The following TMTC1 variants were observed in gnomAD, a reference collection of about 807,000 sequenced individuals.
The protein encoded by TMTC1 is protein O-mannosyl-transferase TMTC1.
Under a neutral mutation model 104.8 loss-of-function variants are expected in TMTC1, and 73 were observed. The observed-to-expected ratio is 0.70, with a 90% CI of 0.58 to 0.85. TMTC1 has a LOEUF of 0.85. Among genes scored for constraint, TMTC1 ranks in the 40% least tolerant of loss-of-function variants. The pLI is 0.00. For missense variants in TMTC1, 1,035 were observed against 1,096.1 expected (o/e 0.94, Z 0.79); for synonymous variants, 434 against 428.7 (o/e 1.01, Z -0.15).
chr12:29,693,143 T>G (rs1199200617), intron 5 of TMTC1, among the ~76,000 whole-genome samples: 1 of 144,966 alleles, frequency 6.9e-6, no homozygotes, highest in Non-Finnish European at 1.5e-5. Context: ...TTATAAATAT[T>G]TATGAGGTAC....
chr12:29,578,674 C>A (rs1945891706), intron 8 of TMTC1, among the ~76,000 whole-genome samples: 1 of 152,156 alleles, frequency 6.6e-6, no homozygotes, highest in African/African-American at 2.4e-5. Flanking sequence ...AAAAAAGCTA[C>A]TTTAATCAGG....
In TMTC1 at chr12:29,675,625, CA is replaced by C. The variant is rs1565760111; in HGVS notation, c.939-42290del. The stretch of plus-strand genomic sequence containing the variant: ...ACACACACACACACACACACACACA[CA>C]CACACCCTCCATGACTTTCTGTTTC... On this transcript the variant is annotated intron_variant, in intron 5 of 17. Coordinates refer to ENST00000539277, the MANE Select transcript of TMTC1 (RefSeq NM_001193451.2). Among the ~76,000 whole-genome samples the C allele has an allele frequency of 2.7e-3, 225 of 81,870 alleles. 1 individual carries two copies. The highest frequency in any genetic ancestry group is 0.023 in the East Asian group (70 of 3,100). 53.7% of individuals were successfully genotyped at this position (81,870 alleles called of 152,430 possible). A position where few individuals can be genotyped will look rare whatever the true frequency, so the allele number is the denominator to read the frequency against.
Position 29,756,779 on chromosome 12 carries a change from T to C in TMTC1, c.555-894A>G, listed in dbSNP as rs1321857683. 2.0e-5 allele frequency among the ~76,000 whole-genome samples: 3 copies of C among 152,192 alleles called. No homozygotes were observed. In the South Asian group the frequency reaches 6.2e-4, roughly 32 times the overall value. On this transcript the variant is annotated intron_variant, in intron 3 of 17. Transcript: ENST00000539277. ...ATGTTTCTGTAGTTGAGACACCTTC[T>C]CCTTAGTGTTCTTAGAACAATTGCA...
At chr12:29,725,174 T>A (rs142744747) in intron 5 of TMTC1, among the ~76,000 whole-genome samples, 1 of 149,882 alleles carries the variant, frequency 6.7e-6, no homozygotes, top group Non-Finnish European at 1.5e-5. Context: ...CCTGCCACCA[T>A]GTCTGGCTAA....
At chr12:29,546,521 C>T (rs1215560435) in intron 10 of TMTC1, among the ~76,000 whole-genome samples, 1 of 152,096 alleles carries the variant, frequency 6.6e-6, no homozygotes, top group Admixed American at 6.5e-5. Context: ...ATGCATATTC[C>T]TCTTTCTGTC....
intron 10 of TMTC1, among the ~76,000 whole-genome samples, chr12:29,540,026 T>C (rs1329748672): frequency 1.3e-5 from 2 of 152,186 alleles, no homozygotes; most frequent in Non-Finnish European, 2.9e-5. Context: ...AACATATGTA[T>C]ACATATGTAT....
In TMTC1 at chr12:29,633,315, G is replaced by C. The variant is rs761403317; in HGVS notation, c.960C>G (p.Leu320=). ...SMMRFLTYSY[L]LAFNVWLLLA... ...GCAGAAGCCACACATTGAAGGCCAA[G>C]AGGTAGGAATAGGTGAGGAATCTAT... The change falls in exon 6 of 18, where the codon CTC becomes CTG. Residue 320 remains leucine, a synonymous_variant. Coordinates refer to ENST00000539277, the MANE Select transcript of TMTC1 (RefSeq NM_001193451.2). 6.2e-7 allele frequency: 1 copy of C among 1,612,688 alleles called. No homozygotes were observed. The highest frequency in any genetic ancestry group is 1.7e-5 in the Admixed American group (1 of 59,976).
intron 5 of TMTC1, among the ~76,000 whole-genome samples, chr12:29,724,422 T>C (rs1488412155): frequency 3.3e-5 from 5 of 152,166 alleles, no homozygotes; most frequent in South Asian, 2.1e-4. Flanking sequence ...AGGAAATCCA[T>C]GTACATATAT....
At chr12:29,757,954 A>AT (rs1943253896) in intron 3 of TMTC1, among the ~76,000 whole-genome samples, 1 of 152,172 alleles carries the variant, frequency 6.6e-6, no homozygotes, top group Admixed American at 6.5e-5. Flanking sequence ...ACACATGGAA[A>AT]TTGTGGGAGT....
chr12:29,741,097 TTAC>T (rs1413779254), intron 5 of TMTC1, among the ~76,000 whole-genome samples: 6 of 152,348 alleles, frequency 3.9e-5, no homozygotes, highest in Middle Eastern at 3.4e-3. Context: ...ATGTGCAACT[TTAC>T]TACATTATGA....
At chr12:29,763,686 C>T (rs1388962643) in intron 2 of TMTC1, among the ~76,000 whole-genome samples, 1 of 152,308 alleles carries the variant, frequency 6.6e-6, no homozygotes, top group Non-Finnish European at 1.5e-5. Flanking sequence ...TCTAGGAAGG[C>T]TTCACAGGTC....
chr12:29,673,544 G>A (rs1940598108), intron 5 of TMTC1, among the ~76,000 whole-genome samples: 1 of 151,932 alleles, frequency 6.6e-6, no homozygotes, highest in Non-Finnish European at 1.5e-5. Flanking sequence ...AAAAGCCCAA[G>A]TAGGAAAGTT....
At chr12:29,650,943 CTTG>C (rs1453071073) in intron 5 of TMTC1, among the ~76,000 whole-genome samples, 1 of 152,198 alleles carries the variant, frequency 6.6e-6, no homozygotes, top group African/African-American at 2.4e-5. Flanking sequence ...TTCAACATTT[CTTG>C]TTGTTGTTTC....
At chr12:29,552,571 G>C (rs996443359) in intron 10 of TMTC1, among the ~76,000 whole-genome samples, 32 of 152,152 alleles carry the variant, frequency 2.1e-4, no homozygotes, top group Non-Finnish European at 1.5e-5. Context: ...AGAAGGGCTA[G>C]AGCAGGTCTA....
intron 5 of TMTC1, among the ~76,000 whole-genome samples, chr12:29,733,299 C>T (rs1591988416): frequency 6.6e-6 from 1 of 152,146 alleles, no homozygotes; most frequent in East Asian, 1.9e-4. Flanking sequence ...AGTCTGGCTC[C>T]ACAGAGCCTC....
intron 5 of TMTC1, among the ~76,000 whole-genome samples, chr12:29,716,017 T>C (rs1318705268): frequency 6.8e-6 from 1 of 146,506 alleles, no homozygotes; most frequent in Non-Finnish European, 1.5e-5. Flanking sequence ...ATTATTATTA[T>C]TATTATTATT....
chr12:29,529,990 A>T (rs1169731551), intron 11 of TMTC1: 2 of 152,230 alleles, frequency 1.3e-5, no homozygotes, highest in Non-Finnish European at 2.9e-5. Flanking sequence ...GCAACTACAG[A>T]TAATGCAGTC....
intron 5 of TMTC1, among the ~76,000 whole-genome samples, chr12:29,695,829 A>ATATATAT (rs71045829): frequency 3.7e-4 from 50 of 136,888 alleles, no homozygotes; most frequent in South Asian, 7.1e-4. Context: ...ATATATATAT[A>ATATATAT]ACCTGTCTTC....
intron 5 of TMTC1, among the ~76,000 whole-genome samples, chr12:29,664,823 G>A (rs1490735134): frequency 2.0e-5 from 3 of 152,192 alleles, no homozygotes; most frequent in Non-Finnish European, 4.4e-5. Context: ...CTATGTAAAT[G>A]CTATTACTAT....
Sources: allele counts gnomAD v4.1 joint callset (sites outside exome capture counted in the v4.1 genomes callset), GRCh38; gene constraint gnomAD v4.1.1; transcripts MANE v1.5; gene names NCBI Gene and HGNC (gene_info 2026-07-23, HGNC 2026-07-21).